Variants in OR4K17 observed in about 807,000 individuals in gnomAD.
OR4K17 encodes the protein olfactory receptor family 4 subfamily K member 17.
For synonymous variants in OR4K17, 157 were observed against 132.8 expected, an observed-to-expected ratio of 1.18 and a Z score of -1.25; for missense variants, 480 against 366.3, an observed-to-expected ratio of 1.31 and a Z score of -2.53.
chr14:20,116,488 A>T (rs1033702385), intron 1 of OR4K17, among the ~76,000 whole-genome samples: 2 of 152,140 alleles, frequency 1.3e-5, no homozygotes, highest in African/African-American at 4.8e-5. Flanking sequence ...TCACCAGATC[A>T]GTGTTATGTA....
Position 20,117,777 on chromosome 14 carries a change from C to T in OR4K17, c.278C>T (p.Ser93Phe), listed in dbSNP as rs747398799. ...TTGTTAAAAAAGCAGAAGGTAATTT[C>T]TTTTGCTGGGTGCTTCACTCAGATA... ...LNLLKKQKVI[S>F]FAGCFTQIFL... Residue 93 changes from serine (S) to phenylalanine (F), a missense_variant, in exon 2 of 2, where the codon TCT becomes TTT. Ser to Phe is a radical substitution (Grantham distance 155). Coordinates refer to ENST00000641386, the MANE Select transcript of OR4K17 (RefSeq NM_001004715.5). 6.2e-7 allele frequency: 1 copy of T among 1,614,080 alleles called. No homozygotes were observed. The highest frequency in any genetic ancestry group is 8.5e-7 in the Non-Finnish European group (1 of 1,179,988).
intron 1 of OR4K17, among the ~76,000 whole-genome samples, chr14:20,113,916 TA>T (rs1464138281): frequency 5.1e-4 from 78 of 152,146 alleles, no homozygotes; most frequent in African/African-American, 1.8e-3. Flanking sequence ...GTGAGATCCC[TA>T]AATGTAAGTT....
chr14:20,111,812 TAGA>T (rs1877889356), intron 1 of OR4K17: 1 of 152,016 alleles, frequency 6.6e-6, no homozygotes, highest in Non-Finnish European at 1.5e-5. Flanking sequence ...AGCCAGAAAT[TAGA>T]AGATTACTAG....
rs575614747 is a variant in OR4K17 at position 20,112,761 on chromosome 14, C to T, written c.-33+1869C>T. Among the ~76,000 whole-genome samples the T allele has an allele frequency of 3.3e-5, 5 of 152,058 alleles. No homozygotes were observed. In the South Asian group the frequency reaches 1.0e-3, roughly 32 times the overall value. Reference sequence around the variant, plus strand: ...GGCAGGAGTAAGTGAGTTTGTTGTTCCGGAGTGAGAATTATATAAAAATCG... The same window carrying T: ...GGCAGGAGTAAGTGAGTTTGTTGTTTCGGAGTGAGAATTATATAAAAATCG... On this transcript the variant is annotated intron_variant, in intron 1 of 1. Coordinates refer to ENST00000641386, the MANE Select transcript of OR4K17 (RefSeq NM_001004715.5).
chr14:20,117,699 C>G lies in OR4K17; in HGVS notation c.200C>G (p.Ser67Cys), dbSNP rs1566552372. 1 of 1,613,870 alleles carries G rather than the reference C, an allele frequency of 6.2e-7. No homozygotes were observed. Among genetic ancestry groups the G allele is most frequent in the Non-Finnish European group, 8.5e-7 (1 of 1,179,940 alleles). ...ATGTATTTTCTCCTTGGTAATCTCT[C>G]TTTTGTAGATATGACCCTTGCTTCT... Reference protein sequence around the residue: ...TPMYFLLGNLSFVDMTLASFA... With the variant: ...TPMYFLLGNLCFVDMTLASFA... Residue 67 changes from serine (S) to cysteine (C), a missense_variant, in exon 2 of 2, where the codon TCT (serine) becomes TGT (cysteine). Physicochemically the swap from Ser to Cys is moderately radical, Grantham distance 112. Transcript: ENST00000641386.
rs1301081154 is a variant in OR4K17 at position 20,121,188 on chromosome 14, C to A, written c.*2750C>A. 1 of 152,092 alleles carries A rather than the reference C, an allele frequency of 6.6e-6. No individual in the cohort carries two copies. Among genetic ancestry groups the A allele is most frequent in the African/African-American group, 2.4e-5 (1 of 41,416 alleles). 9.4% of individuals were successfully genotyped at this position (152,092 alleles called of 1,614,324 possible). On this transcript the variant is annotated 3_prime_UTR_variant, in exon 2 of 2. Transcript: ENST00000641386. ...AATCTGCTTAAGACAACAAGAAACA[C>A]CAAAAACCAAAAGGGAGTATCACCA...
rs1159569745 is a variant in OR4K17, at chr14:20,117,512, A to C, written c.13A>C (p.Asn5His). Residue 5 changes from asparagine (N) to histidine (H), a missense_variant, in exon 2 of 2, where the codon AAT (asparagine) becomes CAT (histidine). Transcript: ENST00000641386. MKLL[N>H]QSQVSEFILL... is the part of the protein sequence containing the mutation. ...TAGGATGGAGGCCATGAAACTATTA[A>C]ATCAATCTCAAGTGTCAGAATTCAT... 6.2e-7 allele frequency: 1 copy of C among 1,613,852 alleles called. No homozygotes were observed. The highest frequency in any genetic ancestry group is 8.5e-7 in the Non-Finnish European group (1 of 1,179,862).
intron 1 of OR4K17, among the ~76,000 whole-genome samples, chr14:20,112,399 C>A (rs1877901375): frequency 1.3e-5 from 2 of 151,988 alleles, no homozygotes; most frequent in Admixed American, 1.3e-4. Flanking sequence ...TTGGAAAACT[C>A]ATTTCTGTCC....
chr14:20,117,828 T>G lies in OR4K17; in HGVS notation c.329T>G (p.Val110Gly). The change falls in exon 2 of 2, where the codon GTT becomes GGT. Residue 110 changes from valine (V) to glycine (G), a missense_variant. Coordinates refer to ENST00000641386, the MANE Select transcript of OR4K17 (RefSeq NM_001004715.5). ...TTTCTCCTTCACTTACTGGGTGGGG[T>G]TGAAATGGTACTGTTGGTCTCCATG... ...QIFLLHLLGGVEMVLLVSMAF... is the reference protein window; with the variant it reads ...QIFLLHLLGGGEMVLLVSMAF... 1 of 1,614,142 alleles carries G rather than the reference T, an allele frequency of 6.2e-7. No homozygotes were observed. The highest frequency in any genetic ancestry group is 8.5e-7 in the Non-Finnish European group (1 of 1,180,014).
chr14:20,117,666 A>G lies in OR4K17; in HGVS notation c.167A>G (p.Asn56Ser), dbSNP rs751332575. 3.6e-5 allele frequency: 58 copies of G among 1,613,906 alleles called. No individual in the cohort carries two copies. Among genetic ancestry groups the G allele is most frequent in the African/African-American group, 5.3e-5 (4 of 74,910 alleles). ...ACAGTGTTTAACACCCCTAACCTGA[A>G]TACTCCCATGTATTTTCTCCTTGGT... is the stretch of plus-strand genomic sequence containing the variant. ...IVTVFNTPNL[N>S]TPMYFLLGNL... is the part of the protein sequence containing the mutation. The change falls in exon 2 of 2, where the codon AAT becomes AGT. Residue 56 changes from asparagine (N) to serine (S), a missense_variant. Physicochemically the swap from Asn to Ser is conservative, Grantham distance 46. Transcript: ENST00000641386.
Position 20,121,937 on chromosome 14 carries a change from G to A in OR4K17, c.*3499G>A, listed in dbSNP as rs1164479897. On this transcript the variant is annotated 3_prime_UTR_variant, in exon 2 of 2. Coordinates refer to ENST00000641386, the MANE Select transcript of OR4K17 (RefSeq NM_001004715.5). ...TATAACAACTATTTACATTTTATTT[G>A]ATATTATAAGTTATCTAGAGTTGGT... The A allele has an allele frequency of 6.6e-6, 1 of 152,032 alleles. No individual in the cohort carries two copies. Among genetic ancestry groups the A allele is most frequent in the African/African-American group, 2.4e-5 (1 of 41,426 alleles). The allele number at this position is 152,032 out of a possible 1,614,324, so 9.4% of individuals were successfully genotyped here.
chr14:20,112,720 G>A (rs1340379099), intron 1 of OR4K17, among the ~76,000 whole-genome samples: 2 of 152,052 alleles, frequency 1.3e-5, no homozygotes, highest in East Asian at 1.9e-4. Flanking sequence ...TACATCTGTC[G>A]AGGTGAGACA....
chr14:20,111,484 G>A (rs984781076), intron 1 of OR4K17, among the ~76,000 whole-genome samples: 1 of 151,974 alleles, frequency 6.6e-6, no homozygotes, highest in South Asian at 2.1e-4. Flanking sequence ...TATCTTTCTA[G>A]AGGCTCTTGC....
rs1002143081 is a variant in OR4K17, at chr14:20,120,070, G to A, written c.*1632G>A. ...AGAGACTCACTTGTCCTTCAGAGGA[G>A]CTTGATAGATATGTACTTTGTTTAG... On this transcript the variant is annotated 3_prime_UTR_variant, in exon 2 of 2. Transcript: ENST00000641386. 2.6e-5 allele frequency: 4 copies of A among 152,134 alleles called. No homozygotes were observed. Among genetic ancestry groups the A allele is most frequent in the Non-Finnish European group, 5.9e-5 (4 of 68,026 alleles). The allele number at this position is 152,134 out of a possible 1,614,324, so 9.4% of individuals were successfully genotyped here. A position where few individuals can be genotyped will look rare whatever the true frequency, so the allele number is the denominator to read the frequency against.
Position 20,118,221 on chromosome 14 carries a change from C to T in OR4K17, c.722C>T (p.Thr241Ile), listed in dbSNP as rs756063530. The T allele has an allele frequency of 6.2e-7, 1 of 1,613,422 alleles. No individual in the cohort carries two copies. Among genetic ancestry groups the T allele is most frequent in the South Asian group, 1.1e-5 (1 of 91,072 alleles). Residue 241 changes from threonine (T) to isoleucine (I), a missense_variant, in exon 2 of 2, where the codon ACT becomes ATT. By Grantham distance (89) the Thr-to-Ile change is moderately conservative. Transcript: ENST00000641386. ...CAATCTAAAGCCCGTTCCACTTTGACTGCTCACATCACAGTGGTGATTCTC... is the reference window on the plus strand; with the variant it reads ...CAATCTAAAGCCCGTTCCACTTTGATTGCTCACATCACAGTGGTGATTCTC... ...TGQSKARSTL[T>I]AHITVVILFF...
In OR4K17 at chr14:20,121,993, T is replaced by G. The variant is rs1878181858; in HGVS notation, c.*3555T>G. On this transcript the variant is annotated 3_prime_UTR_variant, in exon 2 of 2. Transcript: ENST00000641386. ...TCATACAACAGAATGCATGTAAGTTTTATGCAAATACTGTGACATTTTGTA... is the reference window on the plus strand; with the variant it reads ...TCATACAACAGAATGCATGTAAGTTGTATGCAAATACTGTGACATTTTGTA... The G allele has an allele frequency of 1.3e-5, 2 of 152,124 alleles. No individual in the cohort carries two copies. The highest frequency in any genetic ancestry group is 1.3e-4 in the Admixed American group (2 of 15,254). 9.4% of individuals were successfully genotyped at this position (152,124 alleles called of 1,614,324 possible). A position where few individuals can be genotyped will look rare whatever the true frequency, so the allele number is the denominator to read the frequency against.
intron 1 of OR4K17, among the ~76,000 whole-genome samples, chr14:20,115,216 T>G (rs947773360): frequency 7.9e-5 from 12 of 152,222 alleles, no homozygotes; most frequent in African/African-American, 2.4e-4. Context: ...AATACATATC[T>G]GAGCACAAGT....
chr14:20,113,403 T>C (rs918359768), intron 1 of OR4K17, among the ~76,000 whole-genome samples: 3 of 152,048 alleles, frequency 2.0e-5, no homozygotes, highest in African/African-American at 7.2e-5. Context: ...TAATTTGGTG[T>C]CATGAAGTCC....
At position 20,120,051 on chromosome 14, in the gene OR4K17, T is replaced by A. The variant is rs1203273699; in HGVS notation, c.*1613T>A. The A allele has an allele frequency of 1.3e-5, 2 of 152,176 alleles. No homozygotes were observed. Among genetic ancestry groups the A allele is most frequent in the East Asian group, 3.9e-4 (2 of 5,188 alleles). The allele number at this position is 152,176 out of a possible 1,614,324, so 9.4% of individuals were successfully genotyped here. On this transcript the variant is annotated 3_prime_UTR_variant, in exon 2 of 2. Coordinates refer to ENST00000641386, the MANE Select transcript of OR4K17 (RefSeq NM_001004715.5). Reference sequence around the variant, plus strand: ...CTGAGTTATAAAAGGTGTCAGAGACTCACTTGTCCTTCAGAGGAGCTTGAT... The same window carrying A: ...CTGAGTTATAAAAGGTGTCAGAGACACACTTGTCCTTCAGAGGAGCTTGAT...
Sources: allele counts gnomAD v4.1 joint callset (sites outside exome capture counted in the v4.1 genomes callset), GRCh38; gene constraint gnomAD v4.1.1; transcripts MANE v1.5; gene names NCBI Gene and HGNC (gene_info 2026-07-23, HGNC 2026-07-21).